AVPR1B: variants seen among roughly 807,000 people sequenced by gnomAD.
The protein encoded by AVPR1B is arginine vasopressin receptor 1B, also known as vasopressin V1b receptor.
A neutral mutation model predicts 27.5 loss-of-function variants in AVPR1B; 25 were observed. The ratio of observed to expected loss-of-function variants is 0.91; its 90% CI spans 0.66 to 1.27. The LOEUF is 1.27. Among genes scored for constraint, AVPR1B ranks in the 50% most tolerant of loss-of-function variants. The pLI, the probability that AVPR1B is intolerant of heterozygous loss-of-function variation, is 0.00. For synonymous variants in AVPR1B, 248 were observed against 240.2 expected (o/e 1.03, Z -0.30); for missense variants, 595 against 556.9 (o/e 1.07, Z -0.69).
chr1:206,109,375 AG>A lies in AVPR1B; in HGVS notation c.*813del, dbSNP rs1229661789. Among the ~76,000 whole-genome samples the A allele has an allele frequency of 2.6e-5, 4 of 152,122 alleles. No individual in the cohort carries two copies. The highest frequency in any genetic ancestry group is 9.7e-5 in the African/African-American group (4 of 41,408). On this transcript the variant is annotated 3_prime_UTR_variant, in exon 2 of 2. Coordinates refer to ENST00000367126, the MANE Select transcript of AVPR1B (RefSeq NM_000707.5). ...GTTGGGGAAAGGAGGGAGGGCCACAAGTCCCTGCTGCCCTTGAGGCTTATTC... is the reference window on the plus strand; with the variant it reads ...GTTGGGGAAAGGAGGGAGGGCCACAATCCCTGCTGCCCTTGAGGCTTATTC...
At chr1:206,113,369 C>A (rs1395699391) in intron 1 of AVPR1B, among the ~76,000 whole-genome samples, 1 of 152,106 alleles carries the variant, frequency 6.6e-6, no homozygotes, top group East Asian at 1.9e-4. Flanking sequence ...GCAAACAGGC[C>A]GGCATGCAGA....
In AVPR1B at chr1:206,108,104, T is replaced by A. The variant is rs748047381; in HGVS notation, c.*2085A>T. ...AACTCTAGGCATTAGGGTCAGAAAC[T>A]GTGGTCTAAAGATGGGGCAAGGGGG... On this transcript the variant is annotated 3_prime_UTR_variant, in exon 2 of 2. Coordinates refer to ENST00000367126, the MANE Select transcript of AVPR1B (RefSeq NM_000707.5). Among the ~76,000 whole-genome samples, 4 of 151,490 alleles carry A rather than the reference T, an allele frequency of 2.6e-5. No homozygotes were observed. The highest frequency in any genetic ancestry group is 1.3e-4 in the Admixed American group (2 of 15,206).
rs1553289661 is a variant in AVPR1B, at chr1:206,110,444, G to A, written c.1020C>T (p.Gly340=). 1.9e-6 allele frequency: 3 copies of A among 1,614,072 alleles called. No individual in the cohort carries two copies. Among genetic ancestry groups the A allele is most frequent in the South Asian group, 1.1e-5 (1 of 91,074 alleles). ...GCCGCGGTAACAGGTGGCTGTTGAA[G>A]CCCATGTAGATCCAGGGGTTGCAGC... ...NSCCNPWIYM[G]FNSHLLPRPL... is the part of the protein sequence containing the mutation. The change falls in exon 2 of 2, where the codon GGC becomes GGT. Residue 340 remains glycine (G), a synonymous_variant. Coordinates refer to ENST00000367126, the MANE Select transcript of AVPR1B (RefSeq NM_000707.5).
Position 206,116,253 on chromosome 1 carries a change from G to C in AVPR1B, c.638C>G (p.Thr213Ser). Residue 213 changes from threonine to serine, a missense_variant, in exon 1 of 2, where the codon ACC (threonine) becomes AGC (serine). Coordinates refer to ENST00000367126, the MANE Select transcript of AVPR1B (RefSeq NM_000707.5). ...TTLAIFVLPVTMLTACYSLIC... is the reference protein window; with the variant it reads ...TTLAIFVLPVSMLTACYSLIC... ...GAGGCTGTAGCAGGCCGTGAGCATG[G>C]TCACCGGCAGAACGAAGATAGCCAG... 1.9e-6 allele frequency: 3 copies of C among 1,613,718 alleles called. No individual in the cohort carries two copies. Among genetic ancestry groups the C allele is most frequent in the Middle Eastern group, 1.6e-4 (1 of 6,062 alleles).
At position 206,110,581 on chromosome 1, in the gene AVPR1B, G is replaced by A. The variant is rs149500641; in HGVS notation, c.941-58C>T. On this transcript the variant is annotated intron_variant, in intron 1 of 1. Coordinates refer to ENST00000367126, the MANE Select transcript of AVPR1B (RefSeq NM_000707.5). ...TGGCAGCTCGAAGGGACCTGGGAGA[G>A]CGTCCAGGCCCCACAGATGAGGAAC... is the stretch of plus-strand genomic sequence containing the variant. 133 of 1,439,794 alleles carry A rather than the reference G, an allele frequency of 9.2e-5. 1 individual carries two copies. The African/African-American group carries it at 1.2e-3, about 13-fold the overall frequency. 89.2% of individuals were successfully genotyped at this position (1,439,794 alleles called of 1,614,324 possible). A position where few individuals can be genotyped will look rare whatever the true frequency, so the allele number is the denominator to read the frequency against.
Position 206,109,370 on chromosome 1 carries a change from C to G in AVPR1B, c.*819G>C, listed in dbSNP as rs1028684150. Among the ~76,000 whole-genome samples, 14 of 152,016 alleles carry G rather than the reference C, an allele frequency of 9.2e-5. No homozygotes were observed. In the East Asian group the frequency reaches 2.3e-3, roughly 25 times the overall value. On this transcript the variant is annotated 3_prime_UTR_variant, in exon 2 of 2. Coordinates refer to ENST00000367126, the MANE Select transcript of AVPR1B (RefSeq NM_000707.5). ...GGTGGGTTGGGGAAAGGAGGGAGGG[C>G]CACAAGTCCCTGCTGCCCTTGAGGC...
rs1464677064 is a variant in AVPR1B, at chr1:206,109,789, T to C, written c.*400A>G. 2 of 181,076 alleles carry C rather than the reference T, an allele frequency of 1.1e-5. No homozygotes were observed. The highest frequency in any genetic ancestry group is 2.3e-5 in the Non-Finnish European group (2 of 87,792). 11.2% of individuals were successfully genotyped at this position (181,076 alleles called of 1,614,324 possible). On this transcript the variant is annotated 3_prime_UTR_variant, in exon 2 of 2. Transcript: ENST00000367126. Reference sequence around the variant, plus strand: ...CTCCCCTCTCCTGGTTAGGCTGAGATGTGCCAGTCAGGTTAGAATGGAGAC... The same window carrying C: ...CTCCCCTCTCCTGGTTAGGCTGAGACGTGCCAGTCAGGTTAGAATGGAGAC...
rs2102335444 is a variant in AVPR1B, at chr1:206,107,834, TC to T, written c.*2354del. 6.6e-6 allele frequency among the ~76,000 whole-genome samples: 1 copy of T among 152,330 alleles called. No individual in the cohort carries two copies. The highest frequency in any genetic ancestry group is 1.9e-4 in the East Asian group (1 of 5,182). ...ATGCAATCTGGAGCCAGGCCATTGTTCCCCTCTCTAACATCTGTTGAGTGCT... is the reference window on the plus strand; with the variant it reads ...ATGCAATCTGGAGCCAGGCCATTGTTCCCTCTCTAACATCTGTTGAGTGCT... On this transcript the variant is annotated 3_prime_UTR_variant, in exon 2 of 2. Coordinates refer to ENST00000367126, the MANE Select transcript of AVPR1B (RefSeq NM_000707.5).
chr1:206,113,587 T>C (rs782363134), intron 1 of AVPR1B, among the ~76,000 whole-genome samples: 2 of 152,196 alleles, frequency 1.3e-5, no homozygotes, highest in Non-Finnish European at 2.9e-5. Flanking sequence ...AGGTTGATGA[T>C]GATAGTTGAT....
At chr1:206,112,797 T>C (rs1205568514) in intron 1 of AVPR1B, among the ~76,000 whole-genome samples, 1 of 152,196 alleles carries the variant, frequency 6.6e-6, no homozygotes, top group Non-Finnish European at 1.5e-5. Context: ...CCTGGCACCA[T>C]GCTACTTGTA....
At position 206,116,715 on chromosome 1, in the gene AVPR1B, A is replaced by T; in HGVS notation, c.176T>A (p.Leu59Gln). 2 of 1,609,306 alleles carry T rather than the reference A, an allele frequency of 1.2e-6. No homozygotes were observed. The highest frequency in any genetic ancestry group is 1.7e-6 in the Non-Finnish European group (2 of 1,177,404). ...TGGNLAVLLT[L>Q]GQLGRKRSRM... ...GGAGCGCTTGCGGCCCAGCTGGCCC[A>T]GGGTCAGCAGCACAGCCAGGTTGCC... Residue 59 changes from leucine (L) to glutamine (Q), a missense_variant, in exon 1 of 2, where the codon CTG becomes CAG. By Grantham distance (113) the Leu-to-Gln change is moderately radical (BLOSUM62 -2). Coordinates refer to ENST00000367126, the MANE Select transcript of AVPR1B (RefSeq NM_000707.5).
intron 1 of AVPR1B, among the ~76,000 whole-genome samples, chr1:206,113,774 C>T (rs1663416750): frequency 6.6e-6 from 1 of 152,210 alleles, no homozygotes; most frequent in Non-Finnish European, 1.5e-5. Context: ...AGCCCAAGCT[C>T]TATCTCTCAC....
At chr1:206,113,595 GA>G (rs1663413332) in intron 1 of AVPR1B, among the ~76,000 whole-genome samples, 2 of 152,298 alleles carry the variant, frequency 1.3e-5, no homozygotes, top group East Asian at 3.9e-4. Flanking sequence ...GATGATAGTT[GA>G]TACTACAGGC....
In AVPR1B at chr1:206,115,946, C is replaced by CT; in HGVS notation, c.940+4dup. ...CCTCACTGCCCCCACATAGACCCCA[C>CT]TTGCCTTCATCAGGGGCATTCTTGT... On this transcript the variant is annotated splice_donor_region_variant and intron_variant, in intron 1 of 1. Transcript: ENST00000367126. 1 of 1,589,674 alleles carries CT rather than the reference C, an allele frequency of 6.3e-7. No homozygotes were observed. The highest frequency in any genetic ancestry group is 8.6e-7 in the Non-Finnish European group (1 of 1,164,372).
rs1251415821 is a variant in AVPR1B at position 206,116,818 on chromosome 1, G to T, written c.73C>A (p.Pro25Thr). The T allele has an allele frequency of 1.5e-5, 25 of 1,613,970 alleles. No individual in the cohort carries two copies. The highest frequency in any genetic ancestry group is 2.1e-5 in the Non-Finnish European group (25 of 1,179,996). ...AGCTCCTCATCCCGGCCCAGCCAGG[G>T]TGTTGTGGCATTGGGGGCAGAGAGG... ...GTLSAPNATT[P>T]WLGRDEELAK... Residue 25 changes from proline (P) to threonine (T), a missense_variant, in exon 1 of 2, where the codon CCC (proline) becomes ACC (threonine). Pro to Thr is a conservative substitution (Grantham distance 38, BLOSUM62 -1). Coordinates refer to ENST00000367126, the MANE Select transcript of AVPR1B (RefSeq NM_000707.5).
intron 1 of AVPR1B, among the ~76,000 whole-genome samples, chr1:206,113,831 G>A (rs192150959): frequency 4.6e-5 from 7 of 152,258 alleles, no homozygotes; most frequent in Non-Finnish European, 7.3e-5. Context: ...TGAGTCTCAG[G>A]TGACTCAAAT....
In AVPR1B at chr1:206,107,005, C is replaced by T. The variant is rs1446976040; in HGVS notation, c.*3184G>A. Among the ~76,000 whole-genome samples the T allele has an allele frequency of 6.6e-6, 1 of 152,242 alleles. No homozygotes were observed. Among genetic ancestry groups the T allele is most frequent in the Non-Finnish European group, 1.5e-5 (1 of 68,046 alleles). ...TTTCTGACCCAGGAATGAACTGCTACAGCCTGGGCTGAATCTATAGCCCTG... is the reference window on the plus strand; with the variant it reads ...TTTCTGACCCAGGAATGAACTGCTATAGCCTGGGCTGAATCTATAGCCCTG... On this transcript the variant is annotated 3_prime_UTR_variant, in exon 2 of 2. Coordinates refer to ENST00000367126, the MANE Select transcript of AVPR1B (RefSeq NM_000707.5).
Position 206,108,816 on chromosome 1 carries a change from G to A in AVPR1B, c.*1373C>T, listed in dbSNP as rs1215916249. 6.6e-6 allele frequency among the ~76,000 whole-genome samples: 1 copy of A among 152,148 alleles called. No homozygotes were observed. The highest frequency in any genetic ancestry group is 6.5e-5 in the Admixed American group (1 of 15,276). ...ATGATAAAAGTCCCCTGGAGATAAT[G>A]AGCATGTGCCATGCTCTTCCTCTAC... is the stretch of plus-strand genomic sequence containing the variant. On this transcript the variant is annotated 3_prime_UTR_variant, in exon 2 of 2. Transcript: ENST00000367126.
rs531002562 is a variant in AVPR1B at position 206,109,209 on chromosome 1, C to T, written c.*980G>A. ...TTCAAACCCGGGCTCCTAACTGGAT[C>T]ACAGCATCCATATGGTTCATGGTGG... On this transcript the variant is annotated 3_prime_UTR_variant, in exon 2 of 2. Coordinates refer to ENST00000367126, the MANE Select transcript of AVPR1B (RefSeq NM_000707.5). Among the ~76,000 whole-genome samples, 566 of 152,292 alleles carry T rather than the reference C, an allele frequency of 3.7e-3. 5 individuals carry two copies. The highest frequency in any genetic ancestry group is 0.013 in the African/African-American group (555 of 41,566).
Sources: gnomAD v4.1 joint callset for allele counts (sites outside exome capture counted in the v4.1 genomes callset) on GRCh38, gnomAD v4.1.1 for gene constraint, MANE v1.5 for transcripts, NCBI Gene and HGNC (gene_info 2026-07-23, HGNC 2026-07-21) for gene names.